Variants in SLC24A2 observed in about 807,000 individuals in gnomAD.
SLC24A2 encodes the protein solute carrier family 24 member 2.
SLC24A2 carries 36 observed loss-of-function variants against 62.0 expected under a neutral mutation model. The observed-to-expected ratio is 0.58, with a 90% CI of 0.44 to 0.77. The LOEUF (loss-of-function observed/expected upper bound fraction) is 0.77. SLC24A2 is among the 30% of genes least tolerant of loss of function. SLC24A2 has a pLI of 0.00. For synonymous variants in SLC24A2, 358 were observed against 294.0 expected (o/e 1.22, Z -2.23); for missense variants, 846 against 817.9 (o/e 1.03, Z -0.42).
chr9:19,746,443 G>C (rs925022241), intron 2 of SLC24A2, among the ~76,000 whole-genome samples: 4 of 152,068 alleles, frequency 2.6e-5, no homozygotes, highest in Non-Finnish European at 5.9e-5. Context: ...GCAACTCCTA[G>C]TGCAGATAGC....
chr9:19,821,092 G>A, the SLC24A2 span, among the ~76,000 whole-genome samples: 1 of 152,018 alleles, frequency 6.6e-6, no homozygotes, highest in Non-Finnish European at 1.5e-5. Context: ...GGATTGTTAT[G>A]TAGGAGAGCT....
At chr9:20,265,310 G>A in the SLC24A2 span, among the ~76,000 whole-genome samples, 1 of 152,226 alleles carries the variant, frequency 6.6e-6, no homozygotes, top group Non-Finnish European at 1.5e-5. Context: ...CTGAAGAATA[G>A]TCGCCGAGTT....
At chr9:20,076,516 C>T in the SLC24A2 span, among the ~76,000 whole-genome samples, 1 of 152,096 alleles carries the variant, frequency 6.6e-6, no homozygotes. Context: ...CAGTAAACAC[C>T]AGAAGCTGGG....
chr9:19,576,382 A>T (rs1836011876), intron 6 of SLC24A2, among the ~76,000 whole-genome samples: 1 of 152,198 alleles, frequency 6.6e-6, no homozygotes, highest in African/African-American at 2.4e-5. Context: ...CAGTGGAAAG[A>T]GACCTGGGGG....
intron 2 of SLC24A2, among the ~76,000 whole-genome samples, chr9:19,679,611 T>A (rs190490618): frequency 1.6e-4 from 24 of 152,114 alleles, no homozygotes; most frequent in Non-Finnish European, 1.8e-4. Flanking sequence ...AGGGCCCAAA[T>A]GGAATAAAAA....
the SLC24A2 span, among the ~76,000 whole-genome samples, chr9:20,042,177 T>A: frequency 6.6e-6 from 1 of 152,224 alleles, no homozygotes; most frequent in African/African-American, 2.4e-5. Flanking sequence ...CAACCTGCCA[T>A]GAGTCCAGCA....
chr9:19,712,514 G>C (rs1269747854), intron 2 of SLC24A2, among the ~76,000 whole-genome samples: 1 of 152,140 alleles, frequency 6.6e-6, no homozygotes, highest in African/African-American at 2.4e-5. Flanking sequence ...GTTTGGAATA[G>C]GAGCTTAGTA....
the SLC24A2 span, among the ~76,000 whole-genome samples, chr9:19,849,161 T>C: frequency 6.6e-6 from 1 of 152,156 alleles, no homozygotes; most frequent in East Asian, 1.9e-4. Context: ...ATTGCATCTT[T>C]ACCTTCCCTC....
At chr9:19,732,512 G>A (rs192580881) in intron 2 of SLC24A2, among the ~76,000 whole-genome samples, 3 of 152,064 alleles carry the variant, frequency 2.0e-5, no homozygotes, top group East Asian at 1.9e-4. Context: ...GTATATTTAC[G>A]GGGCACAGTG....
chr9:19,852,610 G>A, the SLC24A2 span, among the ~76,000 whole-genome samples: 12 of 152,204 alleles, frequency 7.9e-5, no homozygotes, highest in African/African-American at 2.6e-4. Context: ...TGTCAGGTTT[G>A]TTGAATATCA....
chr9:20,239,865 C>T, the SLC24A2 span, among the ~76,000 whole-genome samples: 1 of 144,580 alleles, frequency 6.9e-6, no homozygotes, highest in African/African-American at 2.6e-5. Flanking sequence ...CTTGAGTTTC[C>T]TTGCCTTCTG....
chr9:20,176,983 AT>A, the SLC24A2 span, among the ~76,000 whole-genome samples: 1 of 152,068 alleles, frequency 6.6e-6, no homozygotes, highest in Admixed American at 6.6e-5. Flanking sequence ...TAGTAGCAAT[AT>A]TTATTAACAC....
At chr9:20,120,027 G>A in the SLC24A2 span, among the ~76,000 whole-genome samples, 1 of 152,054 alleles carries the variant, frequency 6.6e-6, no homozygotes, top group African/African-American at 2.4e-5. Flanking sequence ...CTGTTCCCCT[G>A]ACTACTCCAG....
At chr9:19,717,559 ATTGAT>A (rs1229749489) in intron 2 of SLC24A2, among the ~76,000 whole-genome samples, 3 of 152,190 alleles carry the variant, frequency 2.0e-5, no homozygotes, top group African/African-American at 4.8e-5. Context: ...AAAAAATCCT[ATTGAT>A]TTGTCTTTTT....
chr9:19,816,487 C>T, the SLC24A2 span, among the ~76,000 whole-genome samples: 90 of 152,142 alleles, frequency 5.9e-4, no homozygotes, highest in Non-Finnish European at 9.1e-4. Flanking sequence ...TGGAAGGGGA[C>T]ACATTAATTT....
At chr9:20,092,384 T>C in the SLC24A2 span, among the ~76,000 whole-genome samples, 5 of 152,214 alleles carry the variant, frequency 3.3e-5, no homozygotes, top group Non-Finnish European at 7.3e-5. Flanking sequence ...CAGGGTGGCT[T>C]TGAATGCAGC....
chr9:20,277,908 A>G, the SLC24A2 span, among the ~76,000 whole-genome samples: 3 of 152,194 alleles, frequency 2.0e-5, no homozygotes, highest in African/African-American at 2.4e-5. Flanking sequence ...ATGCAATCAT[A>G]AAAAAGGATG....
chr9:19,636,262 T>TCTC (rs1818309256), intron 2 of SLC24A2, among the ~76,000 whole-genome samples: 1 of 52,286 alleles, frequency 1.9e-5, no homozygotes, highest in South Asian at 7.4e-4. Flanking sequence ...GTCCTTTTCT[T>TCTC]TTCTTCTCTT....
chr9:19,570,417 C>G (rs1013343560), intron 7 of SLC24A2, among the ~76,000 whole-genome samples: 1 of 152,156 alleles, frequency 6.6e-6, no homozygotes, highest in African/African-American at 2.4e-5. Context: ...CTATTTAGGA[C>G]CAACTTCTTC....
Sources: gnomAD v4.1 joint callset for allele counts (sites outside exome capture counted in the v4.1 genomes callset) on GRCh38, gnomAD v4.1.1 for gene constraint, MANE v1.5 for transcripts, NCBI Gene and HGNC (gene_info 2026-07-23, HGNC 2026-07-21) for gene names.